ACSS3: variants seen among roughly 807,000 people sequenced by gnomAD.
The protein encoded by ACSS3 is acyl-CoA synthetase short-chain family member 3, mitochondrial.
ACSS3 carries 64 observed loss-of-function variants against 84.2 expected under a neutral mutation model. That is an observed-to-expected ratio of 0.76 (90% CI 0.62 to 0.94). The LOEUF (loss-of-function observed/expected upper bound fraction) is 0.94. Ranked by LOEUF, ACSS3 falls within the 40% of genes least tolerant of loss-of-function variation. The pLI, the probability that ACSS3 is intolerant of heterozygous loss-of-function variation, is 0.00. For synonymous variants in ACSS3, 317 were observed against 310.1 expected, an observed-to-expected ratio of 1.02 and a Z score of -0.23; for missense variants, 815 against 867.6, an observed-to-expected ratio of 0.94 and a Z score of 0.76.
rs370333812 is a variant in ACSS3 at position 81,170,529 on chromosome 12, A to G, written c.1099-4259A>G. ...GTAGACATCCCTTTCTGCCTTTATT[A>G]TCTAGGAAGCAACTAATAATGTAGA... is the stretch of plus-strand genomic sequence containing the variant. On this transcript the variant is annotated intron_variant, in intron 7 of 15. Coordinates refer to ENST00000548058, the MANE Select transcript of ACSS3 (RefSeq NM_024560.4). Among the ~76,000 whole-genome samples, 78 of 152,240 alleles carry G rather than the reference A, an allele frequency of 5.1e-4. 1 individual carries two copies. The highest frequency in any genetic ancestry group is 1.8e-3 in the African/African-American group (74 of 41,572).
chr12:81,198,107 A>G (rs1474626778), intron 8 of ACSS3, among the ~76,000 whole-genome samples: 2 of 152,150 alleles, frequency 1.3e-5, no homozygotes, highest in African/African-American at 4.8e-5. Context: ...TCCACACTCT[A>G]AGAAACCAAC....
chr12:81,215,940 C>T (rs1446458025), intron 9 of ACSS3, among the ~76,000 whole-genome samples: 4 of 152,094 alleles, frequency 2.6e-5, no homozygotes, highest in East Asian at 3.9e-4. Flanking sequence ...TGAGAAAGTT[C>T]GTGGTTTTGA....
chr12:81,082,876 C>T (rs1235333273), intron 1 of ACSS3, among the ~76,000 whole-genome samples: 1 of 152,098 alleles, frequency 6.6e-6, no homozygotes, highest in African/African-American at 2.4e-5. Flanking sequence ...GTGAGAGAAG[C>T]TTGTAAAGTG....
At position 81,260,373 on chromosome 12, in the gene ACSS3, C is replaced by T. The variant is rs2035009426; in HGVS notation, c.*5451C>T. 6.6e-6 allele frequency: 1 copy of T among 152,106 alleles called. No homozygotes were observed. The highest frequency in any genetic ancestry group is 1.5e-5 in the Non-Finnish European group (1 of 68,016). The allele number at this position is 152,106 out of a possible 1,614,324, so 9.4% of individuals were successfully genotyped here. A position where few individuals can be genotyped will look rare whatever the true frequency, so the allele number is the denominator to read the frequency against. The stretch of plus-strand genomic sequence containing the variant: ...AGATTGCAAATAGAGTAACTCTACC[C>T]ATCACTTAAGAGCTAAGAAGCAAGC... On this transcript the variant is annotated 3_prime_UTR_variant, in exon 16 of 16. Coordinates refer to ENST00000548058, the MANE Select transcript of ACSS3 (RefSeq NM_024560.4).
chr12:81,235,492 T>G (rs576308077), intron 13 of ACSS3, among the ~76,000 whole-genome samples: 2 of 151,328 alleles, frequency 1.3e-5, no homozygotes, highest in Non-Finnish European at 3.0e-5. Context: ...CACATACATA[T>G]TAGCATAAAA....
chr12:81,089,807 T>A (rs1309313908), intron 1 of ACSS3, among the ~76,000 whole-genome samples: 2 of 152,004 alleles, frequency 1.3e-5, no homozygotes, highest in Non-Finnish European at 2.9e-5. Flanking sequence ...CCTATGCTAA[T>A]CACTATATGT....
intron 7 of ACSS3, among the ~76,000 whole-genome samples, chr12:81,172,955 C>T (rs1003501091): frequency 6.6e-6 from 1 of 152,092 alleles, no homozygotes; most frequent in Non-Finnish European, 1.5e-5. Flanking sequence ...ATCTCAGTGC[C>T]TTTAGCTTAT....
chr12:81,197,905 G>A (rs536540030), intron 8 of ACSS3, among the ~76,000 whole-genome samples: 5 of 151,888 alleles, frequency 3.3e-5, no homozygotes, highest in African/African-American at 4.8e-5. Context: ...TTCCAGCATC[G>A]ATTTCCCATC....
At chr12:81,090,576 C>T (rs1434458306) in intron 1 of ACSS3, among the ~76,000 whole-genome samples, 1 of 151,920 alleles carries the variant, frequency 6.6e-6, no homozygotes, top group African/African-American at 2.4e-5. Flanking sequence ...TAGATACTAC[C>T]TGAATCATCT....
chr12:81,194,580 G>T (rs926196313), intron 8 of ACSS3, among the ~76,000 whole-genome samples: 1 of 151,920 alleles, frequency 6.6e-6, no homozygotes, highest in African/African-American at 2.4e-5. Flanking sequence ...TTTCAGAGAT[G>T]AAACCACTTT....
chr12:81,253,180 C>A, intron 13 of ACSS3, 127 bp from the exon 14 acceptor site: 1 of 998,766 alleles, frequency 1.0e-6, no homozygotes, highest in Non-Finnish European at 1.5e-6. Context: ...GCTTGTCTTA[C>A]ATGCACTTTT....
At chr12:81,104,124 G>A (rs1882765701) in intron 1 of ACSS3, among the ~76,000 whole-genome samples, 2 of 152,134 alleles carry the variant, frequency 1.3e-5, no homozygotes, top group Non-Finnish European at 2.9e-5. Context: ...TAAGAAGACT[G>A]AAAGGTAGAG....
At chr12:81,222,022 G>A (rs755394704) in intron 11 of ACSS3, among the ~76,000 whole-genome samples, 12 of 151,942 alleles carry the variant, frequency 7.9e-5, no homozygotes, top group Non-Finnish European at 1.6e-4. Flanking sequence ...AAATATAGCA[G>A]TGTCCCACAT....
At chr12:81,179,856 G>A (rs978447246) in intron 8 of ACSS3, among the ~76,000 whole-genome samples, 1 of 151,818 alleles carries the variant, frequency 6.6e-6, no homozygotes, top group African/African-American at 2.4e-5. Flanking sequence ...CCTGAGACTA[G>A]GTCATTTATA....
rs761485028 is a variant in ACSS3 at position 81,089,376 on chromosome 12, G to T, written c.311+10945G>T. 7.7e-4 allele frequency among the ~76,000 whole-genome samples: 117 copies of T among 151,754 alleles called. 1 individual carries two copies. The highest frequency in any genetic ancestry group is 1.3e-3 in the Non-Finnish European group (85 of 67,808). ...GCAGGTGGAGAAACCTTGATTAATG[G>T]CATATGTTAAGTGCAGAGATATATT... On this transcript the variant is annotated intron_variant, in intron 1 of 15. Coordinates refer to ENST00000548058, the MANE Select transcript of ACSS3 (RefSeq NM_024560.4).
At position 81,109,723 on chromosome 12, in the gene ACSS3, T is replaced by A. The variant is rs760329091; in HGVS notation, c.456+19T>A. 1.3e-6 allele frequency: 2 copies of A among 1,515,016 alleles called. No individual in the cohort carries two copies. The highest frequency in any genetic ancestry group is 2.6e-5 in the South Asian group (2 of 75,760). The allele number at this position is 1,515,016 out of a possible 1,614,324, so 93.8% of individuals were successfully genotyped here. A position where few individuals can be genotyped will look rare whatever the true frequency, so the allele number is the denominator to read the frequency against. On this transcript the variant is annotated intron_variant, in intron 2 of 15. Coordinates refer to ENST00000548058, the MANE Select transcript of ACSS3 (RefSeq NM_024560.4). ...GGAGCAGGTAATATCATAAACTTTATATATGTATATATGAATTCATATAGA... is the reference window on the plus strand; with the variant it reads ...GGAGCAGGTAATATCATAAACTTTAAATATGTATATATGAATTCATATAGA...
chr12:81,143,820 A>G (rs1199913187), intron 5 of ACSS3, among the ~76,000 whole-genome samples: 1 of 152,194 alleles, frequency 6.6e-6, no homozygotes, highest in Non-Finnish European at 1.5e-5. Context: ...AAATCTGTTT[A>G]CCATGAAATG....
intron 15 of ACSS3, 115 bp downstream of exon 15, chr12:81,253,785 CAT>C: frequency 1.0e-6 from 1 of 982,700 alleles, no homozygotes; most frequent in South Asian, 1.7e-5. Flanking sequence ...CTAGAAAACA[CAT>C]AATAGTACTA....
At chr12:81,252,374 C>T (rs2034181357) in intron 13 of ACSS3, among the ~76,000 whole-genome samples, 1 of 152,030 alleles carries the variant, frequency 6.6e-6, no homozygotes, top group Non-Finnish European at 1.5e-5. Flanking sequence ...CCCCTGAACC[C>T]AGCGAATGTT....
Sources: allele counts gnomAD v4.1 joint callset (sites outside exome capture counted in the v4.1 genomes callset), GRCh38; gene constraint gnomAD v4.1.1; transcripts MANE v1.5; gene names NCBI Gene and HGNC (gene_info 2026-07-23, HGNC 2026-07-21).